Variants in NINJ2 observed in about 807,000 individuals in gnomAD.
NINJ2 encodes ninjurin-2.
NINJ2 carries 12 observed loss-of-function variants against 11.7 expected under a neutral mutation model. The ratio of observed to expected loss-of-function variants is 1.02; its 90% CI spans 0.66 to 1.66. The LOEUF (loss-of-function observed/expected upper bound fraction) is 1.66. Among genes scored for constraint, NINJ2 ranks in the 40% most tolerant of loss-of-function variants. The probability of loss-of-function intolerance (pLI) is 0.00; values close to 1 mark genes in which losing one functional copy is unlikely to be tolerated. For missense variants in NINJ2, 187 were observed against 181.8 expected, an observed-to-expected ratio of 1.03 and a Z score of -0.16; for synonymous variants, 93 against 76.8, an observed-to-expected ratio of 1.21 and a Z score of -1.10.
chr12:645,819 GC>G (rs1565647784), intron 1 of NINJ2: 1 of 152,182 alleles, frequency 6.6e-6, no homozygotes, highest in Non-Finnish European at 1.5e-5. Context: ...CTCATACCTT[GC>G]CCCCCAGTTT....
chr12:578,149 G>A (rs1256457455), intron 1 of NINJ2, among the ~76,000 whole-genome samples: 7 of 152,070 alleles, frequency 4.6e-5, no homozygotes, highest in African/African-American at 1.7e-4. Flanking sequence ...TGCAGCCCCC[G>A]GTCACGTACC....
chr12:601,930 G>C (rs770449583), intron 1 of NINJ2, among the ~76,000 whole-genome samples: 1 of 152,176 alleles, frequency 6.6e-6, no homozygotes, highest in Non-Finnish European at 1.5e-5. Context: ...AGAGAGTAGA[G>C]TCTGACCCAG....
In NINJ2 at chr12:566,000, C is replaced by T. The variant is rs762104669; in HGVS notation, c.212G>A (p.Ser71Asn). 6.2e-7 allele frequency: 1 copy of T among 1,614,214 alleles called. No homozygotes were observed. Among genetic ancestry groups the T allele is most frequent in the Non-Finnish European group, 8.5e-7 (1 of 1,180,032 alleles). ...HYYTTLVTLI[S>N]LSLLLQVVIG... ...GACCACCTGCAGGAGCAGAGAGAGGCTGATGAGGGTGACCAGGGTGGTGTA... is the reference window on the plus strand; with the variant it reads ...GACCACCTGCAGGAGCAGAGAGAGGTTGATGAGGGTGACCAGGGTGGTGTA... Residue 71 changes from serine (S) to asparagine (N), a missense_variant, in exon 2 of 4, where the codon AGC becomes AAC. Ser to Asn is a conservative substitution (Grantham distance 46). Transcript: ENST00000305108.
At chr12:571,217 G>T (rs368727264) in intron 1 of NINJ2, among the ~76,000 whole-genome samples, 6 of 152,250 alleles carry the variant, frequency 3.9e-5, no homozygotes, top group African/African-American at 1.4e-4. Flanking sequence ...CTGGACAGAC[G>T]GGGAGTTTGG....
At chr12:629,896 AAT>A (rs1160871577) in intron 1 of NINJ2, among the ~76,000 whole-genome samples, 8 of 9,900 alleles carry the variant, frequency 8.1e-4, no homozygotes, top group East Asian at 0.011. Flanking sequence ...AAAAAAAAAA[AAT>A]ATATATATAT....
chr12:595,130 C>T (rs1947765962), intron 1 of NINJ2, among the ~76,000 whole-genome samples: 1 of 151,754 alleles, frequency 6.6e-6, no homozygotes, highest in Admixed American at 6.6e-5. Context: ...TGGACATCCA[C>T]ATGCAAAAAG....
chr12:641,430 G>A, intron 1 of NINJ2, among the ~76,000 whole-genome samples: 1 of 152,186 alleles, frequency 6.6e-6, no homozygotes. Flanking sequence ...TCCCCAGGGT[G>A]AAAGGCGTGG....
chr12:595,417 C>T (rs781579925), intron 1 of NINJ2, among the ~76,000 whole-genome samples: 1 of 152,194 alleles, frequency 6.6e-6, no homozygotes, highest in Non-Finnish European at 1.5e-5. Context: ...TTAAATGCCT[C>T]TGCTCTGTAA....
chr12:611,950 G>A (rs568215771), intron 1 of NINJ2, among the ~76,000 whole-genome samples: 7 of 152,344 alleles, frequency 4.6e-5, no homozygotes, highest in African/African-American at 9.6e-5. Flanking sequence ...TTCCCAATCC[G>A]TCTTGCAGCA....
intron 1 of NINJ2, among the ~76,000 whole-genome samples, chr12:578,120 C>T (rs1311450284): frequency 1.3e-5 from 2 of 152,130 alleles, no homozygotes; most frequent in Admixed American, 6.6e-5. Flanking sequence ...TGTTCTGTTC[C>T]GTTCTAATTA....
intron 1 of NINJ2, among the ~76,000 whole-genome samples, chr12:629,575 C>A (rs140266694): frequency 6.6e-6 from 1 of 152,202 alleles, no homozygotes; most frequent in East Asian, 1.9e-4. Context: ...AAAACAAATT[C>A]GTAAATTGTC....
At chr12:658,080 C>T (rs955109808) in intron 1 of NINJ2, among the ~76,000 whole-genome samples, 1 of 148,150 alleles carries the variant, frequency 6.7e-6, no homozygotes, top group Non-Finnish European at 1.5e-5. Flanking sequence ...CTGGCTGCAA[C>T]CTCCGCCTCC....
At chr12:646,552 AAG>A (rs1188707682) in intron 1 of NINJ2, among the ~76,000 whole-genome samples, 4 of 152,168 alleles carry the variant, frequency 2.6e-5, no homozygotes, top group African/African-American at 7.2e-5. Context: ...GCCAGAGAAA[AAG>A]AGGGACAGAG....
intron 1 of NINJ2, among the ~76,000 whole-genome samples, chr12:602,651 C>T (rs557016525): frequency 1.2e-4 from 19 of 152,290 alleles, no homozygotes; most frequent in African/African-American, 4.1e-4. Context: ...TACCGTACCT[C>T]TGTGATTAGC....
chr12:576,688 C>A (rs1051720036), intron 1 of NINJ2, among the ~76,000 whole-genome samples: 1 of 152,230 alleles, frequency 6.6e-6, no homozygotes, highest in Non-Finnish European at 1.5e-5. Context: ...GCATTTTCCA[C>A]CTCCCCTGCA....
chr12:570,879 T>C (rs1219450051), intron 1 of NINJ2, among the ~76,000 whole-genome samples: 2 of 152,090 alleles, frequency 1.3e-5, no homozygotes, highest in Admixed American at 6.5e-5. Flanking sequence ...TGGTGCTGAG[T>C]TTCCACATCT....
chr12:649,965 T>G (rs1209450242), intron 1 of NINJ2, among the ~76,000 whole-genome samples: 1 of 152,196 alleles, frequency 6.6e-6, no homozygotes, highest in Non-Finnish European at 1.5e-5. Flanking sequence ...TAACCATTTC[T>G]TCATTATTGG....
rs369200168 is a variant in NINJ2, at chr12:569,288, C to T, written c.34-3110G>A. ...ACACTTCACAAAGGCCCATGGTCGC[C>T]GTCAGCCCCAAGGCTGCAACCTGTG... is the stretch of plus-strand genomic sequence containing the variant. On this transcript the variant is annotated intron_variant, in intron 1 of 3. Transcript: ENST00000305108. Among the ~76,000 whole-genome samples the T allele has an allele frequency of 1.4e-3, 214 of 152,330 alleles. 1 individual carries two copies. The highest frequency in any genetic ancestry group is 4.7e-3 in the African/African-American group (195 of 41,570).
At chr12:654,131 G>C (rs1443603132) in intron 1 of NINJ2, among the ~76,000 whole-genome samples, 1 of 152,130 alleles carries the variant, frequency 6.6e-6, no homozygotes, top group Non-Finnish European at 1.5e-5. Context: ...GGCATTTCAG[G>C]CTGCAGTGAG....
Sources: gnomAD v4.1 joint callset for allele counts (sites outside exome capture counted in the v4.1 genomes callset) on GRCh38, gnomAD v4.1.1 for gene constraint, MANE v1.5 for transcripts, NCBI Gene and HGNC (gene_info 2026-07-23, HGNC 2026-07-21) for gene names.